The following COL8A1 variants were observed in gnomAD, a reference collection of about 807,000 sequenced individuals.
COL8A1 encodes collagen type VIII alpha 1 chain, also known as collagen alpha-1(VIII) chain.
A neutral mutation model predicts 42.7 loss-of-function variants in COL8A1; 21 were observed. The observed-to-expected ratio is 0.49, with a 90% CI of 0.35 to 0.71. COL8A1 has a LOEUF of 0.71. Among genes scored for constraint, COL8A1 ranks in the 30% least tolerant of loss-of-function variants. The pLI is 0.01. For missense variants in COL8A1, 788 were observed against 962.4 expected, an observed-to-expected ratio of 0.82 and a Z score of 2.40; for synonymous variants, 367 against 369.1, an observed-to-expected ratio of 0.99 and a Z score of 0.06.
intron 1 of COL8A1, among the ~76,000 whole-genome samples, chr3:99,692,509 G>GA (rs1939250148): frequency 6.6e-6 from 1 of 152,058 alleles, no homozygotes; most frequent in African/African-American, 2.4e-5. Context: ...CAGTGACCAA[G>GA]AAAAAAGGCA....
At chr3:99,683,622 G>A (rs1446539020) in intron 1 of COL8A1, among the ~76,000 whole-genome samples, 1 of 151,658 alleles carries the variant, frequency 6.6e-6, no homozygotes, top group Admixed American at 6.6e-5. Flanking sequence ...TTTCAAAGGA[G>A]TGGGTTGTCC....
chr3:99,766,533 C>A (rs2107432406), intron 2 of COL8A1, among the ~76,000 whole-genome samples: 2 of 152,310 alleles, frequency 1.3e-5, no homozygotes, highest in East Asian at 3.8e-4. Flanking sequence ...ACTTCATTTT[C>A]CCCTAGTGTT....
intron 2 of COL8A1, among the ~76,000 whole-genome samples, chr3:99,750,178 T>A (rs1458754656): frequency 1.4e-5 from 2 of 146,894 alleles, no homozygotes; most frequent in Admixed American, 1.4e-4. Context: ...TGGCTCAGCC[T>A]CCTGAGTAGC....
chr3:99,672,364 T>G (rs1400925727), intron 1 of COL8A1, among the ~76,000 whole-genome samples: 1 of 151,992 alleles, frequency 6.6e-6, no homozygotes, highest in Admixed American at 6.6e-5. Flanking sequence ...CATAGCTATC[T>G]TCCATGTTTT....
At chr3:99,755,088 T>A (rs1287589599) in intron 2 of COL8A1, among the ~76,000 whole-genome samples, 1 of 152,152 alleles carries the variant, frequency 6.6e-6, no homozygotes, top group Non-Finnish European at 1.5e-5. Flanking sequence ...ACCCTAAAAT[T>A]AGGCTAGATA....
At chr3:99,655,987 A>G (rs770014712) in intron 1 of COL8A1, among the ~76,000 whole-genome samples, 4 of 152,252 alleles carry the variant, frequency 2.6e-5, no homozygotes, top group Non-Finnish European at 2.9e-5. Context: ...AATGGCATTC[A>G]CTGTGGACAC....
chr3:99,653,027 C>G (rs887192669), intron 1 of COL8A1, among the ~76,000 whole-genome samples: 3 of 152,104 alleles, frequency 2.0e-5, no homozygotes, highest in Admixed American at 1.3e-4. Context: ...TAAGTCTTGC[C>G]AAGTCTTTGC....
intron 1 of COL8A1, among the ~76,000 whole-genome samples, chr3:99,735,982 G>A (rs1415855720): frequency 2.0e-5 from 3 of 151,926 alleles, no homozygotes; most frequent in African/African-American, 4.8e-5. Context: ...GTATTTCTGT[G>A]GGATTGGTGG....
At chr3:99,720,239 C>G (rs543110749) in intron 1 of COL8A1, among the ~76,000 whole-genome samples, 18 of 152,204 alleles carry the variant, frequency 1.2e-4, no homozygotes, top group African/African-American at 4.3e-4. Context: ...TCTCTCTCTG[C>G]TAAGGTTAGA....
At chr3:99,705,829 A>C (rs1939668053) in intron 1 of COL8A1, among the ~76,000 whole-genome samples, 1 of 152,170 alleles carries the variant, frequency 6.6e-6, no homozygotes, top group South Asian at 2.1e-4. Flanking sequence ...AAAGATAAAT[A>C]ATTATTTTAT....
chr3:99,762,003 G>A (rs535547082), intron 2 of COL8A1, among the ~76,000 whole-genome samples: 24 of 152,226 alleles, frequency 1.6e-4, no homozygotes, highest in Non-Finnish European at 2.5e-4. Context: ...TACCATGTTT[G>A]GTACAACTGA....
chr3:99,741,331 T>C (rs562406616), intron 1 of COL8A1, among the ~76,000 whole-genome samples: 2 of 152,348 alleles, frequency 1.3e-5, no homozygotes, highest in South Asian at 4.1e-4. Flanking sequence ...AAGACTGTTT[T>C]TTAATTCTTG....
chr3:99,676,197 T>C (rs571343516), intron 1 of COL8A1, among the ~76,000 whole-genome samples: 84 of 152,232 alleles, frequency 5.5e-4, no homozygotes, highest in African/African-American at 1.9e-3. Context: ...TAAACCTTCT[T>C]ACAAAGAAAA....
intron 1 of COL8A1, among the ~76,000 whole-genome samples, chr3:99,683,201 C>A (rs1476466267): frequency 6.6e-6 from 1 of 152,104 alleles, no homozygotes; most frequent in African/African-American, 2.4e-5. Context: ...TTTTTACATG[C>A]CTTTCTCCCC....
intron 1 of COL8A1, among the ~76,000 whole-genome samples, chr3:99,730,291 G>T (rs1051524850): frequency 6.6e-6 from 1 of 152,160 alleles, no homozygotes; most frequent in African/African-American, 2.4e-5. Flanking sequence ...CCATAAGAAT[G>T]TGGTAAGCCT....
At chr3:99,651,775 A>G (rs1016613778) in intron 1 of COL8A1, among the ~76,000 whole-genome samples, 1 of 152,204 alleles carries the variant, frequency 6.6e-6, no homozygotes, top group Non-Finnish European at 1.5e-5. Flanking sequence ...TTTCCTTCTG[A>G]CTCAGCACAG....
chr3:99,694,498 A>C (rs1316184022), intron 1 of COL8A1, among the ~76,000 whole-genome samples: 1 of 152,162 alleles, frequency 6.6e-6, no homozygotes, highest in Non-Finnish European at 1.5e-5. Flanking sequence ...AAAGAAAAAA[A>C]GAACTGCATG....
chr3:99,692,813 T>C (rs552070855), intron 1 of COL8A1, among the ~76,000 whole-genome samples: 164 of 152,294 alleles, frequency 1.1e-3, no homozygotes, highest in South Asian at 9.1e-3. Flanking sequence ...ATTACTCAGG[T>C]GTTTGTGGCA....
intron 1 of COL8A1, among the ~76,000 whole-genome samples, chr3:99,643,509 G>GA (rs1436075823): frequency 6.6e-6 from 1 of 152,176 alleles, no homozygotes; most frequent in Non-Finnish European, 1.5e-5. Flanking sequence ...CTTACTTGTA[G>GA]AAAATATAGT....
Sources: allele counts gnomAD v4.1 joint callset (sites outside exome capture counted in the v4.1 genomes callset), GRCh38; gene constraint gnomAD v4.1.1; transcripts MANE v1.5; gene names NCBI Gene and HGNC (gene_info 2026-07-23, HGNC 2026-07-21).